FBLN7: variants seen among roughly 807,000 people sequenced by gnomAD.
FBLN7 encodes fibulin-7.
FBLN7 carries 31 observed loss-of-function variants against 44.0 expected under a neutral mutation model. The ratio of observed to expected loss-of-function variants is 0.70; its 90% CI spans 0.53 to 0.95. The LOEUF (loss-of-function observed/expected upper bound fraction) is 0.95, where lower values mean the gene tolerates loss of function less well. FBLN7 is among the 40% of genes least tolerant of loss of function. The probability of loss-of-function intolerance (pLI) is 0.00; values close to 1 mark genes in which losing one functional copy is unlikely to be tolerated. For missense variants in FBLN7, 573 were observed against 618.5 expected, an observed-to-expected ratio of 0.93 and a Z score of 0.78; for synonymous variants, 262 against 253.4, an observed-to-expected ratio of 1.03 and a Z score of -0.32.
At chr2:112,143,555 A>G (rs1680754747) in intron 1 of FBLN7, among the ~76,000 whole-genome samples, 1 of 152,158 alleles carries the variant, frequency 6.6e-6, no homozygotes, top group South Asian at 2.1e-4. Context: ...GTATAATTTC[A>G]TGATTTTAAC....
At chr2:112,149,585 CT>C (rs1010065462) in intron 1 of FBLN7, among the ~76,000 whole-genome samples, 4 of 152,170 alleles carry the variant, frequency 2.6e-5, no homozygotes, top group Admixed American at 6.5e-5. Context: ...CCACTCTCCC[CT>C]GACCCATAGG....
At chr2:112,229,151 C>A in the FBLN7 span, among the ~76,000 whole-genome samples, 4 of 152,078 alleles carry the variant, frequency 2.6e-5, no homozygotes, top group African/African-American at 9.7e-5. Flanking sequence ...TTGATGGAAA[C>A]TTGACATATA....
At chr2:112,181,688 C>A (rs1683002058) in intron 4 of FBLN7, 51 bp from the exon 5 acceptor site, 1 of 1,349,998 alleles carries the variant, frequency 7.4e-7, no homozygotes, top group East Asian at 3.1e-5. Context: ...CAAGGTCGGG[C>A]CCACGGCAGG....
At chr2:112,180,862 G>A (rs954953798) in intron 4 of FBLN7, among the ~76,000 whole-genome samples, 5 of 141,792 alleles carry the variant, frequency 3.5e-5, no homozygotes, top group Admixed American at 2.3e-4. Flanking sequence ...GGCAGAGCTC[G>A]CAGTGAGCGG....
At chr2:112,158,174 G>A (rs1022486255) in intron 1 of FBLN7, among the ~76,000 whole-genome samples, 7 of 152,170 alleles carry the variant, frequency 4.6e-5, no homozygotes, top group Non-Finnish European at 1.0e-4. Flanking sequence ...TGGGATTACA[G>A]GCGTGAGCCA....
At position 112,173,105 on chromosome 2, in the gene FBLN7, ACAAAAGTG is replaced by A. The variant is rs539724490; in HGVS notation, c.407-2604_407-2597del. Among the ~76,000 whole-genome samples the A allele has an allele frequency of 1.2e-3, 181 of 152,370 alleles. 1 individual carries two copies. Among genetic ancestry groups the A allele is most frequent in the South Asian group, 3.3e-3 (16 of 4,826 alleles). On this transcript the variant is annotated intron_variant, in intron 3 of 7. Coordinates refer to ENST00000331203, the MANE Select transcript of FBLN7 (RefSeq NM_153214.3). ...GCAAATGAAAGAGATGGTCATCCAG[ACAAAAGTG>A]CAAAGGAGGCAGAGCTGAGAAAGTG... is the stretch of plus-strand genomic sequence containing the variant.
chr2:112,238,573 C>G, the FBLN7 span: 2 of 1,494,348 alleles, frequency 1.3e-6, no homozygotes, highest in African/African-American at 2.8e-5. Context: ...TAGCATGATT[C>G]AAAACAATCT....
intron 3 of FBLN7, among the ~76,000 whole-genome samples, chr2:112,171,457 C>T (rs566867980): frequency 2.2e-4 from 33 of 152,182 alleles, no homozygotes; most frequent in African/African-American, 7.7e-4. Flanking sequence ...AGCAGAGCTT[C>T]AGTCCACCTC....
chr2:112,152,245 C>G (rs1016163465), intron 1 of FBLN7: 1 of 152,258 alleles, frequency 6.6e-6, no homozygotes, highest in Non-Finnish European at 1.5e-5. Context: ...GGCTTCCGCC[C>G]CTGCCAAGTG....
Position 112,187,732 on chromosome 2 carries a change from C to T in FBLN7, c.*226C>T, listed in dbSNP as rs1558900135. The T allele has an allele frequency of 6.8e-6, 4 of 592,086 alleles. No homozygotes were observed. In the South Asian group the frequency reaches 7.0e-5, roughly 10 times the overall value. 36.7% of individuals were successfully genotyped at this position (592,086 alleles called of 1,614,324 possible). ...CTTTTTTTTTTTCTGCTTTGAGGCC[C>T]TTCCCTTAGATTATGCACTAACTTT... is the stretch of plus-strand genomic sequence containing the variant. On this transcript the variant is annotated 3_prime_UTR_variant, in exon 8 of 8. Transcript: ENST00000331203. This position sits in a 1 kb window ranked among gnomAD's most constrained non-coding sequence, Gnocchi z 5.1.
In FBLN7 at chr2:112,174,355, C is replaced by T. The variant is rs551398994; in HGVS notation, c.407-1359C>T. Among the ~76,000 whole-genome samples, 9 of 152,336 alleles carry T rather than the reference C, an allele frequency of 5.9e-5. No individual in the cohort carries two copies. The South Asian group carries it at 6.2e-4, about 11-fold the overall frequency. Reference sequence around the variant, plus strand: ...TCCTTCTCTAGGGATGAGCAGCATTCGGGTGGTCTGTCTTTTTGCAACAAA... The same window carrying T: ...TCCTTCTCTAGGGATGAGCAGCATTTGGGTGGTCTGTCTTTTTGCAACAAA... On this transcript the variant is annotated intron_variant, in intron 3 of 7. Coordinates refer to ENST00000331203, the MANE Select transcript of FBLN7 (RefSeq NM_153214.3).
intron 4 of FBLN7, 37 bp downstream of exon 4, chr2:112,175,876 G>C: frequency 6.2e-7 from 1 of 1,604,822 alleles, no homozygotes. Context: ...AGGACATCCT[G>C]CTGTGGGGAG....
At chr2:112,236,589 C>G in the FBLN7 span, 1 of 1,613,930 alleles carries the variant, frequency 6.2e-7, no homozygotes, top group East Asian at 2.2e-5. Flanking sequence ...TGTTCCTCAG[C>G]AAAGCATTTG....
chr2:112,147,757 A>G (rs1366274407), intron 1 of FBLN7, among the ~76,000 whole-genome samples: 1 of 152,086 alleles, frequency 6.6e-6, no homozygotes, highest in Non-Finnish European at 1.5e-5. Context: ...TTTTGAACCC[A>G]TCCTTAGGAA....
chr2:112,218,210 A>G, the FBLN7 span, among the ~76,000 whole-genome samples: 1 of 152,258 alleles, frequency 6.6e-6, no homozygotes, highest in East Asian at 1.9e-4. Context: ...AAAAGACTGT[A>G]TATGAGGTTT....
chr2:112,138,707 T>G lies in FBLN7; in HGVS notation c.52T>G (p.Cys18Gly). Residue 18 changes from cysteine to glycine, a missense_variant, in exon 1 of 8, where the codon TGC becomes GGC. By Grantham distance (159) the Cys-to-Gly change is radical. Coordinates refer to ENST00000331203, the MANE Select transcript of FBLN7 (RefSeq NM_153214.3). Reference sequence around the variant, plus strand: ...CTTCCTTCTGCTCCTGATCCTCGCCTGCCCCGAGCCGCGGGCTTCCCAGGT... The same window carrying G: ...CTTCCTTCTGCTCCTGATCCTCGCCGGCCCCGAGCCGCGGGCTTCCCAGGT... ...ALFLLLLILA[C>G]PEPRASQNCL... is the part of the protein sequence containing the mutation. 2 of 1,613,002 alleles carry G rather than the reference T, an allele frequency of 1.2e-6. No individual in the cohort carries two copies. The highest frequency in any genetic ancestry group is 1.7e-6 in the Non-Finnish European group (2 of 1,179,818).
downstream of FBLN7, chr2:112,188,660 A>G (rs189846646): frequency 6.6e-6 from 1 of 152,336 alleles, no homozygotes. Context: ...TTCCTCACAC[A>G]TATTTTATTT....
At chr2:112,181,352 T>TAC (rs755506333) in intron 4 of FBLN7, among the ~76,000 whole-genome samples, 33 of 151,790 alleles carry the variant, frequency 2.2e-4, no homozygotes, top group East Asian at 3.9e-4. Context: ...AAATAAAGAA[T>TAC]ACACACACAC....
chr2:112,187,317 T>C lies in FBLN7; in HGVS notation c.1131T>C (p.Gly377=). The C allele has an allele frequency of 6.2e-7, 1 of 1,614,068 alleles. No individual in the cohort carries two copies. The highest frequency in any genetic ancestry group is 8.5e-7 in the Non-Finnish European group (1 of 1,180,012). ...ACAGCCTGCGGTTTGGGATCGTGGG[T>C]GGGAACAGCCGCGGCCACTTTGTGA... ...GPNSLRFGIV[G]GNSRGHFVMQ... is the part of the protein sequence containing the mutation. The change falls in exon 8 of 8, where the codon GGT becomes GGC. Residue 377 remains glycine (G), a synonymous_variant. Coordinates refer to ENST00000331203, the MANE Select transcript of FBLN7 (RefSeq NM_153214.3). This position sits in a 1 kb window ranked among gnomAD's most constrained non-coding sequence, Gnocchi z 5.1.
Sources: allele counts gnomAD v4.1 joint callset (sites outside exome capture counted in the v4.1 genomes callset), GRCh38; gene constraint gnomAD v4.1.1; non-coding constraint Gnocchi (gnomAD v3.1); transcripts MANE v1.5; gene names NCBI Gene and HGNC (gene_info 2026-07-23, HGNC 2026-07-21).